TBC1D1: variants seen among roughly 807,000 people sequenced by gnomAD.
TBC1D1 encodes the protein TBC1 (tre-2/USP6, BUB2, cdc16) domain family, member 1.
TBC1D1 carries 89 observed loss-of-function variants against 125.6 expected under a neutral mutation model. The observed-to-expected ratio is 0.71, with a 90% CI of 0.60 to 0.85. TBC1D1 has a LOEUF of 0.85. Ranked by LOEUF, TBC1D1 falls within the 40% of genes least tolerant of loss-of-function variation. The probability of loss-of-function intolerance (pLI) is 0.00; values close to 1 mark genes in which losing one functional copy is unlikely to be tolerated. For missense variants in TBC1D1, 1,377 were observed against 1,469.2 expected, an observed-to-expected ratio of 0.94 and a Z score of 1.03; for synonymous variants, 565 against 564.1, an observed-to-expected ratio of 1.00 and a Z score of -0.02.
chr4:38,095,845 G>A (rs1759228707), intron 13 of TBC1D1, 84 bp from the exon 16 acceptor site: 5 of 1,403,200 alleles, frequency 3.6e-6, no homozygotes, highest in Non-Finnish European at 4.8e-6. Flanking sequence ...GTCTCAGCGG[G>A]ATAACAAGTA....
intron 2 of TBC1D1, among the ~76,000 whole-genome samples, chr4:37,902,957 T>C (rs928584641): frequency 6.6e-6 from 1 of 152,262 alleles, no homozygotes; most frequent in Non-Finnish European, 1.5e-5. Context: ...CTTTTGCAGG[T>C]TGCACTTTGA....
At chr4:37,912,221 TG>T (rs1246009672) in intron 2 of TBC1D1, among the ~76,000 whole-genome samples, 12 of 152,230 alleles carry the variant, frequency 7.9e-5, no homozygotes, top group Admixed American at 7.2e-4. Context: ...TCATCGTAGA[TG>T]TATCTTCTGA....
chr4:38,015,033 C>T lies in TBC1D1; in HGVS notation c.882+60C>T, dbSNP rs113555018. On this transcript the variant is annotated intron_variant, in intron 3 of 19. Transcript: ENST00000261439. ...CTGCCATACGCTTTCAAGAGAAAATCTGCTTTATGGAGCGAAGATTCTTAG... is the reference window on the plus strand; with the variant it reads ...CTGCCATACGCTTTCAAGAGAAAATTTGCTTTATGGAGCGAAGATTCTTAG... 2.2e-3 allele frequency: 3,064 copies of T among 1,407,098 alleles called. 46 individuals are homozygous for T. The African/African-American group carries it at 0.039, about 18-fold the overall frequency. 87.2% of individuals were successfully genotyped at this position (1,407,098 alleles called of 1,614,324 possible). A position where few individuals can be genotyped will look rare whatever the true frequency, so the allele number is the denominator to read the frequency against.
intron 2 of TBC1D1, among the ~76,000 whole-genome samples, chr4:37,955,114 CTTTTTA>C (rs1409348957): frequency 6.6e-6 from 1 of 152,046 alleles, no homozygotes; most frequent in Non-Finnish European, 1.5e-5. Flanking sequence ...CTTTAACTCA[CTTTTTA>C]TTTTTATTTG....
intron 2 of TBC1D1, among the ~76,000 whole-genome samples, chr4:37,962,112 GT>G (rs1730179069): frequency 6.6e-6 from 1 of 152,206 alleles, no homozygotes; most frequent in South Asian, 2.1e-4. Context: ...TCACTATGGT[GT>G]CCAAGTACTT....
At chr4:38,029,446 C>T (rs1745719540) in intron 7 of TBC1D1, among the ~76,000 whole-genome samples, 1 of 152,180 alleles carries the variant, frequency 6.6e-6, no homozygotes, top group Admixed American at 6.5e-5. Context: ...TGGCTCACTG[C>T]AACCTCTGCT....
At chr4:38,022,510 C>T (rs1744250449) in intron 6 of TBC1D1, among the ~76,000 whole-genome samples, 2 of 152,196 alleles carry the variant, frequency 1.3e-5, no homozygotes, top group African/African-American at 4.8e-5. Flanking sequence ...CAGGAGAAGG[C>T]CATACTGGAG....
At chr4:38,120,827 C>CT (rs1763722529) in intron 17 of TBC1D1, among the ~76,000 whole-genome samples, 1 of 152,098 alleles carries the variant, frequency 6.6e-6, no homozygotes, top group Non-Finnish European at 1.5e-5. Flanking sequence ...TCACATCTAC[C>CT]TTTGGGGGAA....
intron 14 of TBC1D1, 103 bp from the exon 17 acceptor site, chr4:38,102,894 AAG>A: frequency 7.4e-7 from 1 of 1,359,666 alleles, no homozygotes; most frequent in African/African-American, 1.5e-5. Flanking sequence ...AAAAAAAAAA[AAG>A]GAACAAGAAT....
intron 17 of TBC1D1, among the ~76,000 whole-genome samples, chr4:38,121,127 C>T (rs1038153038): frequency 1.3e-5 from 2 of 152,154 alleles, no homozygotes; most frequent in Non-Finnish European, 2.9e-5. Flanking sequence ...TCCAGTCTGT[C>T]TGTGCTGTTG....
intron 1 of TBC1D1, among the ~76,000 whole-genome samples, 193 bp downstream of exon 1, chr4:37,891,541 C>A: frequency 7.2e-6 from 1 of 138,264 alleles, no homozygotes; most frequent in East Asian, 2.4e-4. Flanking sequence ...CCTTACCCCC[C>A]CACCCCCGCC....
At chr4:37,917,193 G>A (rs972171099) in intron 2 of TBC1D1, among the ~76,000 whole-genome samples, 7 of 151,836 alleles carry the variant, frequency 4.6e-5, no homozygotes, top group Admixed American at 3.9e-4. Context: ...AGTTGTGTGG[G>A]CCAGGCATGG....
intron 15 of TBC1D1, among the ~76,000 whole-genome samples, chr4:38,105,015 A>G (rs984193137): frequency 7.9e-5 from 12 of 152,068 alleles, no homozygotes; most frequent in Non-Finnish European, 1.6e-4. Flanking sequence ...TTGGCCTCTC[A>G]AAGTGCTGGG....
At chr4:38,120,247 G>A in intron 17 of TBC1D1, 1 of 410,814 alleles carries the variant, frequency 2.4e-6, no homozygotes, top group Non-Finnish European at 3.3e-6. Context: ...TTGTCCAGCT[G>A]GCCAAGGGCT....
At chr4:38,002,219 A>G (rs1739217557) in intron 2 of TBC1D1, among the ~76,000 whole-genome samples, 2 of 152,178 alleles carry the variant, frequency 1.3e-5, no homozygotes. Context: ...GGGCATTGTA[A>G]TATATACCCA....
intron 14 of TBC1D1, 56 bp from the exon 17 acceptor site, chr4:38,102,943 T>C: frequency 6.7e-7 from 1 of 1,497,516 alleles, no homozygotes; most frequent in East Asian, 2.4e-5. Flanking sequence ...TTCATTTTTA[T>C]TATTAAGTTG....
At chr4:38,058,026 C>T (rs1422070047) in intron 12 of TBC1D1, among the ~76,000 whole-genome samples, 1 of 152,198 alleles carries the variant, frequency 6.6e-6, no homozygotes, top group East Asian at 1.9e-4. Flanking sequence ...TCTCAGTGTA[C>T]CTGCATGTCT....
intron 12 of TBC1D1, among the ~76,000 whole-genome samples, chr4:38,070,631 A>G (rs569068308): frequency 2.9e-4 from 44 of 152,344 alleles, no homozygotes; most frequent in African/African-American, 1.1e-3. Context: ...AAATGTGGGC[A>G]TTTTTTCTAT....
intron 7 of TBC1D1, among the ~76,000 whole-genome samples, chr4:38,029,742 C>T (rs1457082423): frequency 6.6e-6 from 1 of 152,202 alleles, no homozygotes; most frequent in Non-Finnish European, 1.5e-5. Flanking sequence ...TTGGCATATG[C>T]TTCAGGAAGA....
Sources: allele counts gnomAD v4.1 joint callset (sites outside exome capture counted in the v4.1 genomes callset), GRCh38; gene constraint gnomAD v4.1.1; transcripts MANE v1.5; gene names NCBI Gene and HGNC (gene_info 2026-07-23, HGNC 2026-07-21).